The following NWD1 variants were observed in gnomAD, a reference collection of about 807,000 sequenced individuals.
NWD1 encodes the protein NACHT and WD repeat domain containing 1.
Under a neutral mutation model 135.1 loss-of-function variants are expected in NWD1, and 129 were observed. That is an observed-to-expected ratio of 0.96 (90% CI 0.83 to 1.11). The LOEUF is 1.11. Among genes scored for constraint, NWD1 ranks in the 50% least tolerant of loss-of-function variants. The pLI, the probability that NWD1 is intolerant of heterozygous loss-of-function variation, is 0.00. For synonymous variants in NWD1, 773 were observed against 786.0 expected (o/e 0.98, Z 0.28); for missense variants, 1,740 against 1,851.3 (o/e 0.94, Z 1.10).
Position 16,797,867 on chromosome 19 carries a change from C to T in NWD1, c.3440C>T (p.Ser1147Phe), listed in dbSNP as rs762233189. 1 of 1,613,868 alleles carries T rather than the reference C, an allele frequency of 6.2e-7. No homozygotes were observed. Among genetic ancestry groups the T allele is most frequent in the Non-Finnish European group, 8.5e-7 (1 of 1,179,862 alleles). ...GAGAACAACCTGATCATCACGGGGT[C>T]CCTTGATGCGCTCATTCAGGTGAGG... The part of the protein sequence containing the change: ...GTENNLIITG[S>F]LDALIQVWSL... Residue 1147 changes from serine to phenylalanine, a missense_variant, in exon 16 of 19, where the codon TCC (serine) becomes TTC (phenylalanine). Coordinates refer to ENST00000524140, the MANE Select transcript of NWD1 (RefSeq NM_001007525.5).
chr19:16,721,905 G>A (rs1428303252), intron 1 of NWD1, among the ~76,000 whole-genome samples: 1 of 152,064 alleles, frequency 6.6e-6, no homozygotes, highest in African/African-American at 2.4e-5. Context: ...GAGGCCAAGA[G>A]TTCAAGAACA....
chr19:16,766,380 T>C (rs1229161815), intron 10 of NWD1, among the ~76,000 whole-genome samples: 1 of 152,062 alleles, frequency 6.6e-6, no homozygotes, highest in Non-Finnish European at 1.5e-5. Context: ...CCAGCCTGGG[T>C]GACAGAGCGA....
chr19:16,730,911 CTTTTTT>C (rs11445714), intron 2 of NWD1, among the ~76,000 whole-genome samples: 7 of 122,884 alleles, frequency 5.7e-5, no homozygotes, highest in Admixed American at 9.0e-5. Context: ...TTCTTTCTTT[CTTTTTT>C]TTTTTTTTTT....
intron 15 of NWD1, among the ~76,000 whole-genome samples, chr19:16,797,195 T>A (rs529732982): frequency 9.7e-4 from 136 of 140,174 alleles, no homozygotes; most frequent in African/African-American, 1.2e-3. Context: ...AAAAAAAAAA[T>A]TGATGAGTGA....
intron 17 of NWD1, among the ~76,000 whole-genome samples, chr19:16,804,165 G>T (rs1397979053): frequency 2.6e-5 from 4 of 152,118 alleles, no homozygotes; most frequent in South Asian, 4.1e-4. Flanking sequence ...GAGCAAGAAT[G>T]CAGGCTCAGC....
chr19:16,813,147 A>G (rs1478089566), intron 18 of NWD1, among the ~76,000 whole-genome samples: 1 of 152,134 alleles, frequency 6.6e-6, no homozygotes, highest in Non-Finnish European at 1.5e-5. Context: ...TGGGCTCAGG[A>G]GTAGCCATGG....
chr19:16,773,937 TCTATCC>T, intron 11 of NWD1, among the ~76,000 whole-genome samples: 1 of 121,774 alleles, frequency 8.2e-6, no homozygotes, highest in Non-Finnish European at 1.7e-5. Context: ...CATCCATCCA[TCTATCC>T]ATCCATCCAT....
intron 12 of NWD1, among the ~76,000 whole-genome samples, chr19:16,783,963 A>C (rs768426901): frequency 1.1e-4 from 16 of 151,972 alleles, no homozygotes; most frequent in Non-Finnish European, 1.6e-4. Context: ...TGTAATCCCA[A>C]CACTTCGGGA....
chr19:16,783,283 C>T (rs886257258), intron 12 of NWD1, among the ~76,000 whole-genome samples: 6 of 152,112 alleles, frequency 3.9e-5, no homozygotes, highest in African/African-American at 1.4e-4. Flanking sequence ...CATCCTCCCA[C>T]CTCAGCCTCC....
intron 10 of NWD1, among the ~76,000 whole-genome samples, chr19:16,771,435 G>A (rs1044795605): frequency 9.2e-5 from 14 of 152,170 alleles, no homozygotes; most frequent in Admixed American, 4.6e-4. Flanking sequence ...GCACGACAGA[G>A]CAAGACTCTG....
At chr19:16,802,978 A>T (rs1354186276) in intron 17 of NWD1, among the ~76,000 whole-genome samples, 1 of 151,308 alleles carries the variant, frequency 6.6e-6, no homozygotes, top group Non-Finnish European at 1.5e-5. Context: ...CATACCTGAG[A>T]CTGGGTAATT....
intron 17 of NWD1, among the ~76,000 whole-genome samples, chr19:16,803,926 CG>C (rs1374498731): frequency 6.8e-6 from 1 of 146,766 alleles, no homozygotes; most frequent in Non-Finnish European, 1.5e-5. Flanking sequence ...CTCCACCACC[CG>C]AAAAAAAAAA....
At position 16,787,126 on chromosome 19, in the gene NWD1, ATATT is replaced by A. The variant is rs1381506379; in HGVS notation, c.2732-1842_2732-1839del. ...TAGCAAATAGCTCTCTAAGATTATT[ATATT>A]TATTTATTTATTTTGAGACAAGGTC... On this transcript the variant is annotated intron_variant, in intron 12 of 18. Coordinates refer to ENST00000524140, the MANE Select transcript of NWD1 (RefSeq NM_001007525.5). Among the ~76,000 whole-genome samples the A allele has an allele frequency of 2.0e-5, 3 of 151,806 alleles. No individual in the cohort carries two copies. In the East Asian group the frequency reaches 5.8e-4, roughly 29 times the overall value.
At chr19:16,750,451 T>A (rs780018372) in intron 6 of NWD1, 40 bp downstream of exon 6, 12 of 1,426,746 alleles carry the variant, frequency 8.4e-6, no homozygotes, top group African/African-American at 7.2e-5. Flanking sequence ...TATTTATTTA[T>A]GTTTTCTTTT....
rs1971002954 is a variant in NWD1 at position 16,814,096 on chromosome 19, G to T, written c.4288-932G>T. Among the ~76,000 whole-genome samples, 3 of 152,124 alleles carry T rather than the reference G, an allele frequency of 2.0e-5. No homozygotes were observed. In the South Asian group the frequency reaches 6.2e-4, roughly 32 times the overall value. ...GGAGGTCGAGGTGTGGGAGATTGAG[G>T]CTGCAGTGAGCCATGATAGCACCAT... On this transcript the variant is annotated intron_variant, in intron 18 of 18. Coordinates refer to ENST00000524140, the MANE Select transcript of NWD1 (RefSeq NM_001007525.5).
chr19:16,753,613 G>A (rs1424970521), intron 6 of NWD1, among the ~76,000 whole-genome samples: 1 of 152,148 alleles, frequency 6.6e-6, no homozygotes, highest in Middle Eastern at 3.2e-3. Flanking sequence ...ATTTTTGGTT[G>A]TCATGACTGA....
chr19:16,747,281 C>T (rs1245063554), intron 5 of NWD1, among the ~76,000 whole-genome samples: 8 of 151,508 alleles, frequency 5.3e-5, no homozygotes, highest in African/African-American at 9.7e-5. Flanking sequence ...TTGATCGGCC[C>T]GCCTTGGCCT....
chr19:16,761,868 A>T, intron 7 of NWD1, 111 bp from the exon 8 acceptor site: 1 of 782,786 alleles, frequency 1.3e-6, no homozygotes, highest in Non-Finnish European at 2.1e-6. Context: ...GGTGGTCAAC[A>T]GAGTGGTTTA....
intron 5 of NWD1, among the ~76,000 whole-genome samples, chr19:16,748,710 G>A (rs1968423060): frequency 6.6e-6 from 1 of 152,056 alleles, no homozygotes; most frequent in Non-Finnish European, 1.5e-5. Flanking sequence ...TGTAATCCCA[G>A]CTACTCGGGA....
Sources: allele counts gnomAD v4.1 joint callset (sites outside exome capture counted in the v4.1 genomes callset), GRCh38; gene constraint gnomAD v4.1.1; transcripts MANE v1.5; gene names NCBI Gene and HGNC (gene_info 2026-07-23, HGNC 2026-07-21).